The following IQCM variants were observed in gnomAD, a reference collection of about 807,000 sequenced individuals.
IQCM encodes IQ motif containing M.
A neutral mutation model predicts 57.6 loss-of-function variants in IQCM; 45 were observed. That is an observed-to-expected ratio of 0.78 (90% CI 0.62 to 1.00). IQCM has a LOEUF of 1.00. Among genes scored for constraint, IQCM ranks in the 50% least tolerant of loss-of-function variants. The pLI, the probability that IQCM is intolerant of heterozygous loss-of-function variation, is 0.00. For missense variants in IQCM, 468 were observed against 511.6 expected (o/e 0.91, Z 0.82); for synonymous variants, 148 against 158.9 (o/e 0.93, Z 0.51).
chr4:149,580,008 G>A (rs1246519239), intron 9 of IQCM, among the ~76,000 whole-genome samples: 2 of 151,770 alleles, frequency 1.3e-5, no homozygotes, highest in African/African-American at 2.4e-5. Context: ...TCAAAGTGTG[G>A]TCTGAGCACA....
At chr4:149,717,559 C>T (rs1246844006) in intron 5 of IQCM, among the ~76,000 whole-genome samples, 1 of 151,982 alleles carries the variant, frequency 6.6e-6, no homozygotes, top group East Asian at 1.9e-4. Context: ...ACTATTATCC[C>T]ACAAAGAAAA....
At chr4:149,569,494 T>C (rs1750954796) in intron 9 of IQCM, among the ~76,000 whole-genome samples, 1 of 152,164 alleles carries the variant, frequency 6.6e-6, no homozygotes, top group Admixed American at 6.6e-5. Context: ...CACTCTGAGA[T>C]TGTTTATTAT....
intron 9 of IQCM, among the ~76,000 whole-genome samples, chr4:149,573,528 C>T (rs1751361101): frequency 6.6e-6 from 1 of 151,838 alleles, no homozygotes; most frequent in Non-Finnish European, 1.5e-5. Context: ...GGCTAGCGTT[C>T]ACTGTGTAAA....
chr4:149,715,250 C>G (rs1764891544), intron 5 of IQCM, among the ~76,000 whole-genome samples: 1 of 152,176 alleles, frequency 6.6e-6, no homozygotes, highest in African/African-American at 2.4e-5. Flanking sequence ...AAGGGTGAGC[C>G]AGGCATGGAG....
At chr4:149,590,302 G>T (rs2654809) in intron 8 of IQCM, among the ~76,000 whole-genome samples, 29,465 of 91,222 alleles carry the variant, frequency 0.32, 3,994 homozygotes, top group Middle Eastern at 0.44. Flanking sequence ...TATCGCCTTT[G>T]TTATAAGGGG....
chr4:149,485,096 T>C (rs1741326308), intron 12 of IQCM, among the ~76,000 whole-genome samples: 3 of 152,118 alleles, frequency 2.0e-5, no homozygotes, highest in Admixed American at 2.0e-4. Flanking sequence ...TGTAGCTCCA[T>C]TGTATGTTAT....
intron 13 of IQCM, among the ~76,000 whole-genome samples, chr4:149,410,825 T>C (rs1021755321): frequency 2.0e-5 from 3 of 152,112 alleles, no homozygotes; most frequent in Admixed American, 1.3e-4. Flanking sequence ...ATAGTTAACA[T>C]AGACAAAGGA....
intron 12 of IQCM, among the ~76,000 whole-genome samples, chr4:149,448,242 TTAGAAAC>T (rs1736723768): frequency 6.6e-6 from 1 of 151,640 alleles, no homozygotes; most frequent in South Asian, 2.1e-4. Flanking sequence ...TTTGAAAACT[TTAGAAAC>T]TATACAACAT....
At chr4:149,453,048 A>C (rs1737301140) in intron 12 of IQCM, among the ~76,000 whole-genome samples, 1 of 151,692 alleles carries the variant, frequency 6.6e-6, no homozygotes, top group Admixed American at 6.6e-5. Flanking sequence ...TAAAAAAAAA[A>C]AATGACAAAT....
chr4:149,415,132 C>T lies in IQCM; in HGVS notation c.1390+18264G>A, dbSNP rs144612241. Among the ~76,000 whole-genome samples, 25 of 152,218 alleles carry T rather than the reference C, an allele frequency of 1.6e-4. No individual in the cohort carries two copies. The East Asian group carries it at 4.6e-3, about 28-fold the overall frequency. ...GAAATGGATACTTTGATTAAAATGC[C>T]ATCATGTCACAGTTTCATCATATTT... On this transcript the variant is annotated intron_variant, in intron 13 of 13. Coordinates refer to ENST00000636793, the MANE Select transcript of IQCM (RefSeq NM_001363507.2).
chr4:149,762,906 T>C (rs2149967591), intron 2 of IQCM, among the ~76,000 whole-genome samples: 1 of 152,170 alleles, frequency 6.6e-6, no homozygotes, highest in Admixed American at 6.6e-5. Context: ...AGCAGCTTCA[T>C]AAACGTGTTA....
At chr4:149,703,038 A>G (rs1763885871) in intron 5 of IQCM, among the ~76,000 whole-genome samples, 1 of 151,948 alleles carries the variant, frequency 6.6e-6, no homozygotes, top group Non-Finnish European at 1.5e-5. Flanking sequence ...GCTGATCAAG[A>G]CGGTATACTA....
intron 2 of IQCM, among the ~76,000 whole-genome samples, chr4:149,786,346 G>A (rs566551855): frequency 1.3e-5 from 2 of 152,268 alleles, no homozygotes; most frequent in Admixed American, 1.3e-4. Flanking sequence ...AGATTTTACG[G>A]AGAAAGAGGT....
chr4:149,753,793 T>C (rs1321261782), intron 2 of IQCM, among the ~76,000 whole-genome samples: 6 of 110,612 alleles, frequency 5.4e-5, no homozygotes, highest in African/African-American at 1.8e-4. Context: ...ACTGAAAGAT[T>C]CCAACATGTG....
chr4:149,505,635 T>C (rs1049015870), intron 12 of IQCM, among the ~76,000 whole-genome samples: 1 of 152,228 alleles, frequency 6.6e-6, no homozygotes, highest in East Asian at 1.9e-4. Context: ...GCTGACCTTC[T>C]CTTCTTTCAT....
intron 7 of IQCM, among the ~76,000 whole-genome samples, chr4:149,631,045 C>G (rs937284115): frequency 6.6e-6 from 1 of 152,192 alleles, no homozygotes; most frequent in African/African-American, 2.4e-5. Context: ...ATCTGCTTTC[C>G]TTCCAGAAAT....
rs1361848830 is a variant in IQCM, at chr4:149,632,572, A to G, written c.566-11328T>C. Among the ~76,000 whole-genome samples the G allele has an allele frequency of 4.6e-5, 7 of 152,310 alleles. No homozygotes were observed. The South Asian group carries it at 1.0e-3, about 23-fold the overall frequency. ...TCTTTACTGAAAGTTAATGTAATAC[A>G]TTCAAAAGAGGAAAAAAAAAGATCC... On this transcript the variant is annotated intron_variant, in intron 7 of 13. Coordinates refer to ENST00000636793, the MANE Select transcript of IQCM (RefSeq NM_001363507.2).
At chr4:149,372,987 C>T (rs1359820278) in intron 13 of IQCM, among the ~76,000 whole-genome samples, 2 of 152,018 alleles carry the variant, frequency 1.3e-5, no homozygotes, top group Admixed American at 1.3e-4. Flanking sequence ...GTCTATAAGA[C>T]AGAATAAACA....
At chr4:149,500,452 G>C (rs1743121856) in intron 12 of IQCM, among the ~76,000 whole-genome samples, 1 of 152,152 alleles carries the variant, frequency 6.6e-6, no homozygotes, top group Admixed American at 6.6e-5. Flanking sequence ...TGTATGAAAA[G>C]AGTTCAAATA....
Sources: allele counts gnomAD v4.1 joint callset (sites outside exome capture counted in the v4.1 genomes callset), GRCh38; gene constraint gnomAD v4.1.1; transcripts MANE v1.5; gene names NCBI Gene and HGNC (gene_info 2026-07-23, HGNC 2026-07-21).